Variants in NAPEPLD observed in about 807,000 individuals in gnomAD.
NAPEPLD encodes N-acyl-phosphatidylethanolamine-hydrolyzing phospholipase D.
Under a neutral mutation model 38.1 loss-of-function variants are expected in NAPEPLD, and 23 were observed. The observed-to-expected ratio is 0.60, with a 90% CI of 0.43 to 0.86. NAPEPLD has a LOEUF of 0.86. Ranked by LOEUF, NAPEPLD falls within the 40% of genes least tolerant of loss-of-function variation. The pLI, the probability that NAPEPLD is intolerant of heterozygous loss-of-function variation, is 0.00. For synonymous variants in NAPEPLD, 147 were observed against 162.0 expected (o/e 0.91, Z 0.71); for missense variants, 411 against 476.8 (o/e 0.86, Z 1.28).
chr7:103,128,765 A>T lies in NAPEPLD; in HGVS notation c.12T>A (p.Asn4Lys). 6.2e-7 allele frequency: 1 copy of T among 1,611,468 alleles called. No individual in the cohort carries two copies. MDE[N>K]ESNQSLMTSS... The stretch of plus-strand genomic sequence containing the variant: ...TTGTCATCAGAGACTGGTTGCTTTC[A>T]TTTTCATCCATGTCCTTTGGTGAAG... Residue 4 changes from asparagine to lysine, a missense_variant, in exon 2 of 5, where the codon AAT becomes AAA. Coordinates refer to ENST00000465647, the MANE Select transcript of NAPEPLD (RefSeq NM_001122838.3).
At chr7:103,131,101 G>A (rs979389752) in intron 1 of NAPEPLD, among the ~76,000 whole-genome samples, 4 of 152,080 alleles carry the variant, frequency 2.6e-5, no homozygotes, top group African/African-American at 9.7e-5. Flanking sequence ...GATGGCAGAA[G>A]TGACCTCATG....
chr7:103,132,937 A>G (rs1332935651), intron 1 of NAPEPLD, among the ~76,000 whole-genome samples: 4 of 152,182 alleles, frequency 2.6e-5, no homozygotes, highest in Non-Finnish European at 4.4e-5. Context: ...TTTCACCCCA[A>G]TCAATCTGTG....
chr7:103,106,888 C>G (rs952383141), intron 4 of NAPEPLD, among the ~76,000 whole-genome samples: 2 of 152,174 alleles, frequency 1.3e-5, no homozygotes, highest in East Asian at 1.9e-4. Flanking sequence ...CCCAGCACAG[C>G]GTTCGAGCTC....
intron 4 of NAPEPLD, among the ~76,000 whole-genome samples, chr7:103,111,762 T>A (rs1413598543): frequency 6.6e-6 from 1 of 151,992 alleles, no homozygotes; most frequent in Admixed American, 6.6e-5. Context: ...GACAATGGGA[T>A]CTAATTAAAC....
At chr7:103,127,625 C>T (rs1160210745) in intron 2 of NAPEPLD, 1 of 152,066 alleles carries the variant, frequency 6.6e-6, no homozygotes. Flanking sequence ...CAGCCCACTG[C>T]TGAACGACCA....
At chr7:103,128,391 A>T in intron 2 of NAPEPLD, 92 bp downstream of exon 2, 1 of 1,442,470 alleles carries the variant, frequency 6.9e-7, no homozygotes, top group Non-Finnish European at 9.5e-7. Context: ...CCTCAGACCT[A>T]ATTCTATGCC....
intron 1 of NAPEPLD, among the ~76,000 whole-genome samples, chr7:103,137,467 C>T (rs4530973): frequency 0.89 from 135,887 of 152,152 alleles, 62,663 homozygotes; most frequent in East Asian, 1. Flanking sequence ...ATACCTTTTA[C>T]GACTGGAATC....
chr7:103,122,595 T>C (rs1806939612), intron 2 of NAPEPLD, among the ~76,000 whole-genome samples: 1 of 152,204 alleles, frequency 6.6e-6, no homozygotes, highest in Non-Finnish European at 1.5e-5. Flanking sequence ...TTTCCTCATC[T>C]GGAAAACAGG....
chr7:103,149,440 C>T (rs1174652928), upstream of NAPEPLD: 2 of 1,252,540 alleles, frequency 1.6e-6, no homozygotes, highest in Non-Finnish European at 2.1e-6. Flanking sequence ...CCGAGGACGC[C>T]AGCAGCTGCA....
At chr7:103,124,913 T>A (rs1807452983) in intron 2 of NAPEPLD, among the ~76,000 whole-genome samples, 1 of 152,212 alleles carries the variant, frequency 6.6e-6, no homozygotes, top group Admixed American at 6.5e-5. Context: ...CCATGCTCCT[T>A]CGATGGCATA....
chr7:103,104,797 CCT>C (rs759083368), intron 4 of NAPEPLD, among the ~76,000 whole-genome samples: 1 of 151,864 alleles, frequency 6.6e-6, no homozygotes, highest in Non-Finnish European at 1.5e-5. Context: ...AGAAATTTCC[CCT>C]GAAATAATTT....
At chr7:103,114,976 G>T in intron 4 of NAPEPLD, 84 bp downstream of exon 4, 1 of 966,390 alleles carries the variant, frequency 1.0e-6, no homozygotes, top group Non-Finnish European at 1.6e-6. Context: ...CCAGAGTCTT[G>T]GGTCTGAAAA....
At position 103,128,302 on chromosome 7, in the gene NAPEPLD, C is replaced by G. The variant is rs759604140; in HGVS notation, c.294+181G>C. On this transcript the variant is annotated intron_variant, in intron 2 of 4. Coordinates refer to ENST00000465647, the MANE Select transcript of NAPEPLD (RefSeq NM_001122838.3). ...TTCCTACCTCTAGTTGCCACCAGAT[C>G]AGGGTTGGTTATTCCTATATGTACT... The G allele has an allele frequency of 3.9e-4, 257 of 659,958 alleles. 2 individuals carry two copies. The highest frequency in any genetic ancestry group is 2.0e-3 in the Middle Eastern group (5 of 2,496). The allele number at this position is 659,958 out of a possible 1,614,324, so 40.9% of individuals were successfully genotyped here.
At chr7:103,121,972 A>C (rs1806789597) in intron 2 of NAPEPLD, among the ~76,000 whole-genome samples, 1 of 152,158 alleles carries the variant, frequency 6.6e-6, no homozygotes, top group Admixed American at 6.5e-5. Context: ...TAGAGAAACC[A>C]CCCAAGCAAA....
chr7:103,120,335 TAA>T (rs1806403560), intron 2 of NAPEPLD, 112 bp from the exon 3 acceptor site: 1 of 1,127,934 alleles, frequency 8.9e-7, no homozygotes, highest in Admixed American at 2.8e-5. Context: ...TTAAGAGAAC[TAA>T]AGTCATTCAA....
intron 1 of NAPEPLD, among the ~76,000 whole-genome samples, chr7:103,148,558 GCAAA>G (rs1297420532): frequency 6.7e-6 from 1 of 149,992 alleles, no homozygotes; most frequent in African/African-American, 2.4e-5. Context: ...TTTATAAGAA[GCAAA>G]CAACCACAGA....
chr7:103,147,989 A>G (rs919189905), intron 1 of NAPEPLD: 10 of 982,720 alleles, frequency 1.0e-5, no homozygotes, highest in African/African-American at 1.7e-5. Flanking sequence ...CAGACCCAGT[A>G]TTTTCTTGCA....
At position 103,148,948 on chromosome 7, in the gene NAPEPLD, C is replaced by A; in HGVS notation, c.-154G>T. 1.0e-6 allele frequency: 1 copy of A among 985,428 alleles called. No homozygotes were observed. Among genetic ancestry groups the A allele is most frequent in the Non-Finnish European group, 1.2e-6 (1 of 829,942 alleles). The allele number at this position is 985,428 out of a possible 1,614,324, so 61.0% of individuals were successfully genotyped here. ...CGAGGCAGCTTCAGAGATGCAGGCT[C>A]CGCAACTCGCGAGGTGCGAAAATTC... On this transcript the variant is annotated 5_prime_UTR_variant, in exon 1 of 5. Coordinates refer to ENST00000465647, the MANE Select transcript of NAPEPLD (RefSeq NM_001122838.3).
In NAPEPLD at chr7:103,103,444, A is replaced by G. The variant is rs759320228; in HGVS notation, c.1167T>C (p.Asp389=). 1.9e-6 allele frequency: 3 copies of G among 1,564,064 alleles called. No individual in the cohort carries two copies. The highest frequency in any genetic ancestry group is 1.4e-5 in the African/African-American group (1 of 71,730). The change falls in exon 5 of 5, where the codon GAT becomes GAC. Residue 389 remains aspartate (D), a synonymous_variant. Transcript: ENST00000465647. ...KHGESRYLNN[D]DENF The stretch of plus-strand genomic sequence containing the variant: ...CTCACATTTATTAAAAGTTTTCATC[A>G]TCATTATTTAGGTATCTTGATTCTC...
Sources: allele counts gnomAD v4.1 joint callset (sites outside exome capture counted in the v4.1 genomes callset), GRCh38; gene constraint gnomAD v4.1.1; transcripts MANE v1.5; gene names NCBI Gene and HGNC (gene_info 2026-07-23, HGNC 2026-07-21).